Variants in ECT2L observed in about 807,000 individuals in gnomAD.
ECT2L encodes the protein epithelial cell transforming 2 like.
In ECT2L, 126 loss-of-function variants were observed where a neutral mutation model predicts 122.8. The observed-to-expected ratio is 1.03, with a 90% CI of 0.89 to 1.19. The LOEUF is 1.19. ECT2L is among the 50% of genes most tolerant of loss of function. The pLI is 0.00. For missense variants in ECT2L, 1,012 were observed against 1,064.1 expected (o/e 0.95, Z 0.68); for synonymous variants, 385 against 381.8 (o/e 1.01, Z -0.10).
At chr6:138,865,645 G>A (rs956192705) in intron 12 of ECT2L, among the ~76,000 whole-genome samples, 3 of 152,216 alleles carry the variant, frequency 2.0e-5, no homozygotes, top group Non-Finnish European at 2.9e-5. Context: ...GTGGTTGAAT[G>A]AATGTTTCCA....
At chr6:138,841,807 A>G (rs1777049048) in intron 5 of ECT2L, among the ~76,000 whole-genome samples, 1 of 152,208 alleles carries the variant, frequency 6.6e-6, no homozygotes, top group South Asian at 2.1e-4. Context: ...CCTTCAAATA[A>G]TTGTTTGTAT....
intron 5 of ECT2L, among the ~76,000 whole-genome samples, chr6:138,839,768 C>T (rs2128387675): frequency 6.6e-6 from 1 of 152,148 alleles, no homozygotes; most frequent in Non-Finnish European, 1.5e-5. Flanking sequence ...TTTCCCTCTC[C>T]CTGTCTTCCT....
chr6:138,859,810 C>CTTTTTTTTT (rs36087999), intron 10 of ECT2L, among the ~76,000 whole-genome samples: 1 of 145,874 alleles, frequency 6.9e-6, no homozygotes, highest in Non-Finnish European at 1.5e-5. Flanking sequence ...AAGCACAGTT[C>CTTTTTTTTT]TTTTTTTTTT....
At chr6:138,869,814 T>C (rs1467782364) in intron 13 of ECT2L, among the ~76,000 whole-genome samples, 5 of 152,196 alleles carry the variant, frequency 3.3e-5, no homozygotes, top group Admixed American at 2.0e-4. Context: ...CCAGGCCTTC[T>C]TCCTCCCCCT....
Position 138,813,327 on chromosome 6 carries a change from C to G in ECT2L, c.53C>G (p.Ser18Ter). 1 of 1,610,634 alleles carries G rather than the reference C, an allele frequency of 6.2e-7. No homozygotes were observed. The highest frequency in any genetic ancestry group is 2.2e-5 in the East Asian group (1 of 44,752). The change falls in exon 3 of 22, where the codon TCA becomes TGA. Residue 18 changes from serine to a stop codon, truncating the protein, a stop_gained. Coordinates refer to ENST00000541398, the MANE Select transcript of ECT2L (RefSeq NM_001077706.3). LOFTEE classifies it high-confidence loss of function. ...GCCTGGACACCTTTTAGCAACAAGT[C>G]ATTAAATAGACAGGTAAGTTACATA... ...FSAWTPFSNK[S>*]LNRQLFQERV...
At chr6:138,855,157 A>G (rs555985904) in intron 10 of ECT2L, among the ~76,000 whole-genome samples, 71 of 152,150 alleles carry the variant, frequency 4.7e-4, no homozygotes, top group African/African-American at 1.6e-3. Flanking sequence ...GTAAATTTAC[A>G]AAGTTATTCC....
chr6:138,885,447 G>C (rs1778784054), intron 16 of ECT2L, 59 bp from the exon 17 acceptor site: 5 of 1,500,106 alleles, frequency 3.3e-6, no homozygotes, highest in Admixed American at 3.5e-5. Context: ...TTGCTCAGTG[G>C]AACAGTGGAC....
chr6:138,853,944 C>A, intron 9 of ECT2L, 82 bp from the exon 10 acceptor site: 2 of 1,489,930 alleles, frequency 1.3e-6, no homozygotes, highest in South Asian at 1.2e-5. Flanking sequence ...TGATTTTGTG[C>A]TTACATTTTC....
chr6:138,890,676 CTTCCT>C (rs1005562196), intron 20 of ECT2L, among the ~76,000 whole-genome samples: 9 of 151,928 alleles, frequency 5.9e-5, no homozygotes, highest in Non-Finnish European at 1.2e-4. Flanking sequence ...CTCAAACACT[CTTCCT>C]TTCTTTACAT....
chr6:138,844,853 C>T (rs1324436711), intron 7 of ECT2L, among the ~76,000 whole-genome samples: 2 of 131,518 alleles, frequency 1.5e-5, no homozygotes, highest in African/African-American at 2.9e-5. Context: ...TGGTGTCAAA[C>T]TTGTGGGCTC....
chr6:138,892,532 C>T (rs751669216), intron 20 of ECT2L, among the ~76,000 whole-genome samples: 22 of 152,136 alleles, frequency 1.4e-4, no homozygotes, highest in Non-Finnish European at 2.6e-4. Context: ...GTCACTCTGT[C>T]ACCCAGGCTG....
chr6:138,866,842 G>A (rs1189734384), intron 12 of ECT2L, among the ~76,000 whole-genome samples: 1 of 152,152 alleles, frequency 6.6e-6, no homozygotes, highest in Non-Finnish European at 1.5e-5. Flanking sequence ...GGAAGCCAAG[G>A]CAGGTGGATT....
chr6:138,874,691 T>C (rs556641337), intron 13 of ECT2L, among the ~76,000 whole-genome samples: 4 of 152,210 alleles, frequency 2.6e-5, no homozygotes, highest in Admixed American at 2.6e-4. Flanking sequence ...CCCTTATCTG[T>C]GAGATCCACA....
intron 4 of ECT2L, among the ~76,000 whole-genome samples, chr6:138,824,576 AAAAAC>A (rs1776375579): frequency 9.5e-6 from 1 of 104,920 alleles, no homozygotes; most frequent in African/African-American, 3.4e-5. Context: ...AACAAAAAAC[AAAAAC>A]AAAAAAAACA....
intron 3 of ECT2L, 77 bp downstream of exon 3, chr6:138,813,417 G>A (rs1775966120): frequency 1.8e-6 from 2 of 1,131,442 alleles, no homozygotes; most frequent in Non-Finnish European, 1.3e-6. Flanking sequence ...GTCTCATGTT[G>A]CCACATTTTT....
chr6:138,859,092 G>C (rs1473906547), intron 10 of ECT2L, among the ~76,000 whole-genome samples: 1 of 152,054 alleles, frequency 6.6e-6, no homozygotes, highest in African/African-American at 2.4e-5. Flanking sequence ...AATCTTCTCT[G>C]TATTGTTCCA....
chr6:138,842,910 C>G, intron 5 of ECT2L, 69 bp from the exon 6 acceptor site: 1 of 1,357,286 alleles, frequency 7.4e-7, no homozygotes, highest in Middle Eastern at 2.0e-4. Flanking sequence ...TATCTGTGTA[C>G]CTGAAAATAT....
chr6:138,903,783 A>T lies in ECT2L; in HGVS notation c.*1156A>T, dbSNP rs999277492. The T allele has an allele frequency of 6.6e-6, 1 of 152,200 alleles. No individual in the cohort carries two copies. Among genetic ancestry groups the T allele is most frequent in the Non-Finnish European group, 1.5e-5 (1 of 68,034 alleles). The allele number at this position is 152,200 out of a possible 1,614,324, so 9.4% of individuals were successfully genotyped here. A position where few individuals can be genotyped will look rare whatever the true frequency, so the allele number is the denominator to read the frequency against. The stretch of plus-strand genomic sequence containing the variant: ...ATACTGAAAGCCACTTGGAAACTTC[A>T]GCTGATGTATATTTTTACCTAGATA... On this transcript the variant is annotated 3_prime_UTR_variant, in exon 22 of 22. Transcript: ENST00000541398.
intron 8 of ECT2L, among the ~76,000 whole-genome samples, chr6:138,848,060 G>T (rs918593075): frequency 3.3e-5 from 5 of 152,142 alleles, no homozygotes; most frequent in African/African-American, 1.2e-4. Context: ...GAAGCCATCA[G>T]ATCTCATGAA....
Sources: gnomAD v4.1 joint callset for allele counts (sites outside exome capture counted in the v4.1 genomes callset) on GRCh38, gnomAD v4.1.1 for gene constraint, MANE v1.5 for transcripts, NCBI Gene and HGNC (gene_info 2026-07-23, HGNC 2026-07-21) for gene names.